The following COX18 variants were observed in gnomAD, a reference collection of about 807,000 sequenced individuals.
COX18 encodes the protein cytochrome c oxidase assembly protein COX18, mitochondrial.
In COX18, 45 loss-of-function variants were observed where a neutral mutation model predicts 38.0. That is an observed-to-expected ratio of 1.18 (90% CI 0.93 to 1.52). COX18 has a LOEUF of 1.52. Among genes scored for constraint, COX18 ranks in the 40% most tolerant of loss-of-function variants. The pLI, the probability that COX18 is intolerant of heterozygous loss-of-function variation, is 0.00. For missense variants in COX18, 462 were observed against 423.8 expected (o/e 1.09, Z -0.79); for synonymous variants, 177 against 169.8 (o/e 1.04, Z -0.33).
intron 2 of COX18, among the ~76,000 whole-genome samples, chr4:73,067,675 T>C (rs1030629997): frequency 6.7e-6 from 1 of 150,270 alleles, no homozygotes; most frequent in Non-Finnish European, 1.5e-5. Flanking sequence ...ACCCCATCTC[T>C]ACTAAAAATA....
intron 4 of COX18, 37 bp from the exon 5 acceptor site, chr4:73,061,957 TA>T (rs774103860): frequency 9.6e-7 from 1 of 1,038,618 alleles, no homozygotes. Context: ...TAATGATTAT[TA>T]AAACGCATAT....
intron 4 of COX18, among the ~76,000 whole-genome samples, chr4:73,063,552 G>A (rs1019063166): frequency 3.3e-5 from 5 of 152,072 alleles, no homozygotes; most frequent in African/African-American, 9.7e-5. Flanking sequence ...ACCATGCCCC[G>A]CTATGAAAAC....
intron 5 of COX18, among the ~76,000 whole-genome samples, chr4:73,058,794 C>A (rs1324182971): frequency 6.6e-6 from 1 of 152,186 alleles, no homozygotes; most frequent in Non-Finnish European, 1.5e-5. Context: ...ACAGCCTCAG[C>A]ATTATCTCCA....
At chr4:73,059,869 T>C (rs1407935925) in intron 5 of COX18, among the ~76,000 whole-genome samples, 2 of 152,138 alleles carry the variant, frequency 1.3e-5, no homozygotes, top group East Asian at 3.9e-4. Context: ...TCTTCCTTAG[T>C]AACAAAATCT....
In COX18 at chr4:73,061,850, G is replaced by A. The variant is rs751252874; in HGVS notation, c.794C>T (p.Ser265Leu). The A allele has an allele frequency of 1.6e-5, 26 of 1,613,004 alleles. No individual in the cohort carries two copies. Among genetic ancestry groups the A allele is most frequent in the East Asian group, 6.7e-5 (3 of 44,862 alleles). Residue 265 changes from serine to leucine, a missense_variant, in exon 5 of 6, where the codon TCG (serine) becomes TTG (leucine). Coordinates refer to ENST00000507544, the MANE Select transcript of COX18 (RefSeq NM_001297732.2). The stretch of plus-strand genomic sequence containing the variant: ...TGCAGCAATTGGTATCATCAACACC[G>A]ACATTGCACGGACAAAGTACGTAAT... ...TYITYFVRAM[S>L]VLMIPIAATV...
At chr4:73,063,407 G>A (rs58247402) in intron 4 of COX18, among the ~76,000 whole-genome samples, 4 of 152,148 alleles carry the variant, frequency 2.6e-5, no homozygotes, top group Middle Eastern at 3.2e-3. Context: ...TTTTCTTTTA[G>A]AGGTGAGGTC....
chr4:73,062,795 C>A (rs1720240067), intron 4 of COX18, among the ~76,000 whole-genome samples: 7 of 151,416 alleles, frequency 4.6e-5, no homozygotes, highest in Admixed American at 4.6e-4. Context: ...TGAGATCACG[C>A]CACTGCACTC....
intron 4 of COX18, among the ~76,000 whole-genome samples, chr4:73,063,291 G>A (rs532386925): frequency 1.3e-5 from 2 of 152,004 alleles, no homozygotes; most frequent in Admixed American, 1.3e-4. Context: ...AGGAAACAGA[G>A]TGAGACTCTG....
At chr4:73,068,154 T>C (rs1217733826) in intron 1 of COX18, 25 bp from the exon 2 acceptor site, 9 of 1,456,744 alleles carry the variant, frequency 6.2e-6, no homozygotes, top group Middle Eastern at 1.8e-4. Context: ...GGTTTTGTTA[T>C]GAGCACATAA....
intron 2 of COX18, among the ~76,000 whole-genome samples, chr4:73,066,893 C>T (rs1398788244): frequency 1.3e-5 from 2 of 152,204 alleles, no homozygotes; most frequent in Admixed American, 1.3e-4. Context: ...AAATGTACAA[C>T]TATATAAAAA....
At chr4:73,060,293 C>T (rs1720083447) in intron 5 of COX18, among the ~76,000 whole-genome samples, 1 of 152,172 alleles carries the variant, frequency 6.6e-6, no homozygotes, top group African/African-American at 2.4e-5. Flanking sequence ...TAAAACTTAA[C>T]TGCTCGTATT....
At position 73,069,632 on chromosome 4, in the gene COX18, G is replaced by A. The variant is rs770089638; in HGVS notation, c.18C>T (p.Gly6=). The A allele has an allele frequency of 4.5e-6, 7 of 1,549,184 alleles. No homozygotes were observed. The highest frequency in any genetic ancestry group is 2.7e-5 in the African/African-American group (2 of 73,884). MLCRL[G]GRWLRPLPAL... ...CAGGGAGCGGCCGCAGCCACCGACC[G>A]CCGAGCCGGCACAGCATTTCTGCAC... The change falls in exon 1 of 6, where the codon GGC becomes GGT. Residue 6 remains glycine, a synonymous_variant. Transcript: ENST00000507544.
Position 73,058,049 on chromosome 4 carries a change from C to A in COX18, c.*65G>T. On this transcript the variant is annotated 3_prime_UTR_variant, in exon 6 of 6. Coordinates refer to ENST00000507544, the MANE Select transcript of COX18 (RefSeq NM_001297732.2). The stretch of plus-strand genomic sequence containing the variant: ...AGGAAATCAAGTAACATCTGAATTT[C>A]TAAGTCTAAATACATTTAGATGATA... 9.4e-7 allele frequency: 1 copy of A among 1,062,316 alleles called. No homozygotes were observed. Among genetic ancestry groups the A allele is most frequent in the South Asian group, 1.6e-5 (1 of 63,710 alleles). The allele number at this position is 1,062,316 out of a possible 1,614,324, so 65.8% of individuals were successfully genotyped here. A position where few individuals can be genotyped will look rare whatever the true frequency, so the allele number is the denominator to read the frequency against.
chr4:73,069,545 G>A lies in COX18; in HGVS notation c.105C>T (p.Arg35=). The part of the protein sequence containing the change: ...LAPVPTSGAK[R]PTLPVWAVAP... Reference sequence around the variant, plus strand: ...CCACTGCCCACACTGGGAGAGTGGGGCGCTTGGCGCCGCTCGTAGGAACCG... The same window carrying A: ...CCACTGCCCACACTGGGAGAGTGGGACGCTTGGCGCCGCTCGTAGGAACCG... Residue 35 remains arginine (R), a synonymous_variant, in exon 1 of 6, where the codon CGC becomes CGT. Transcript: ENST00000507544. The A allele has an allele frequency of 6.3e-7, 1 of 1,574,810 alleles. No homozygotes were observed. The highest frequency in any genetic ancestry group is 8.6e-7 in the Non-Finnish European group (1 of 1,160,758).
intron 5 of COX18, 59 bp from the exon 6 acceptor site, chr4:73,058,346 G>T: frequency 8.0e-7 from 1 of 1,249,408 alleles, no homozygotes; most frequent in Non-Finnish European, 1.1e-6. Flanking sequence ...TCACAGTCCA[G>T]ACAATAAAAA....
At chr4:73,063,372 GAATAAGCTTTT>G (rs1720276913) in intron 4 of COX18, among the ~76,000 whole-genome samples, 1 of 152,134 alleles carries the variant, frequency 6.6e-6, no homozygotes, top group African/African-American at 2.4e-5. Flanking sequence ...TGTTGAGTAA[GAATAAGCTTTT>G]AATAAGCTTT....
chr4:73,057,183 A>C lies in COX18; in HGVS notation c.*931T>G, dbSNP rs1004708420. Reference sequence around the variant, plus strand: ...GGCTCATGCCTGTAATCCCAGCACTATGGGAGGCCAAGGAGGGTGGATTAG... The same window carrying C: ...GGCTCATGCCTGTAATCCCAGCACTCTGGGAGGCCAAGGAGGGTGGATTAG... On this transcript the variant is annotated 3_prime_UTR_variant, in exon 6 of 6. Coordinates refer to ENST00000507544, the MANE Select transcript of COX18 (RefSeq NM_001297732.2). 6.7e-6 allele frequency: 1 copy of C among 149,904 alleles called. No homozygotes were observed. The highest frequency in any genetic ancestry group is 1.5e-5 in the Non-Finnish European group (1 of 67,450). The allele number at this position is 149,904 out of a possible 1,614,324, so 9.3% of individuals were successfully genotyped here.
rs1433014413 is a variant in COX18, at chr4:73,069,689, T to G, written c.-40A>C. The G allele has an allele frequency of 6.5e-7, 1 of 1,526,730 alleles. No individual in the cohort carries two copies. The highest frequency in any genetic ancestry group is 2.0e-5 in the Admixed American group (1 of 50,990). The allele number at this position is 1,526,730 out of a possible 1,614,324, so 94.6% of individuals were successfully genotyped here. A position where few individuals can be genotyped will look rare whatever the true frequency, so the allele number is the denominator to read the frequency against. ...GGAGCCCAGATCCCGGGCCTCACAA[T>G]CCAGCGGACATACACCGGCCAGCCA... On this transcript the variant is annotated 5_prime_UTR_variant, in exon 1 of 6. Transcript: ENST00000507544.
chr4:73,067,099 C>G (rs991969263), intron 2 of COX18, among the ~76,000 whole-genome samples: 8 of 152,118 alleles, frequency 5.3e-5, no homozygotes, highest in Admixed American at 2.6e-4. Context: ...AATCAAGCAC[C>G]CTTAGATTGG....
Sources: gnomAD v4.1 joint callset for allele counts (sites outside exome capture counted in the v4.1 genomes callset) on GRCh38, gnomAD v4.1.1 for gene constraint, MANE v1.5 for transcripts, NCBI Gene and HGNC (gene_info 2026-07-23, HGNC 2026-07-21) for gene names.